The following PARD3B variants were observed in gnomAD, a reference collection of about 807,000 sequenced individuals.
The protein encoded by PARD3B is partitioning defective 3 homolog B.
PARD3B carries 103 observed loss-of-function variants against 130.2 expected under a neutral mutation model. That is an observed-to-expected ratio of 0.79 (90% CI 0.67 to 0.93). The LOEUF (loss-of-function observed/expected upper bound fraction) is 0.93. Ranked by LOEUF, PARD3B falls within the 40% of genes least tolerant of loss-of-function variation. PARD3B has a pLI of 0.00. For synonymous variants in PARD3B, 583 were observed against 553.2 expected, an observed-to-expected ratio of 1.05 and a Z score of -0.76; for missense variants, 1,609 against 1,499.2, an observed-to-expected ratio of 1.07 and a Z score of -1.21.
intron 2 of PARD3B, among the ~76,000 whole-genome samples, chr2:204,953,420 C>CACAG (rs1396079084): frequency 1.0e-3 from 128 of 123,312 alleles, no homozygotes; most frequent in Middle Eastern, 4.6e-3. Context: ...TACACACACA[C>CACAG]AGAGAGAGAG....
chr2:205,234,101 A>G (rs972777928), intron 15 of PARD3B, among the ~76,000 whole-genome samples: 2 of 152,238 alleles, frequency 1.3e-5, no homozygotes, highest in African/African-American at 4.8e-5. Flanking sequence ...AACCATAACA[A>G]TAGTCACATT....
rs978188157 is a variant in PARD3B, at chr2:205,156,770, C to G, written c.1435-1952C>G. ...AATGAAGTAGTCAATCATTGTTAGCCTCTAGTATATTGTTTCTGTTGTATT... is the reference window on the plus strand; with the variant it reads ...AATGAAGTAGTCAATCATTGTTAGCGTCTAGTATATTGTTTCTGTTGTATT... On this transcript the variant is annotated intron_variant, in intron 10 of 22. Coordinates refer to ENST00000406610, the MANE Select transcript of PARD3B (RefSeq NM_001302769.2). 1.3e-5 allele frequency among the ~76,000 whole-genome samples: 2 copies of G among 152,130 alleles called. 1 individual carries two copies. Among genetic ancestry groups the G allele is most frequent in the Middle Eastern group, 6.8e-3 (2 of 294 alleles).
chr2:204,828,124 A>C (rs1316156781), intron 2 of PARD3B, among the ~76,000 whole-genome samples: 2 of 152,240 alleles, frequency 1.3e-5, no homozygotes, highest in Admixed American at 1.3e-4. Flanking sequence ...TTTGTTGAAT[A>C]GGTATCTACT....
At chr2:205,329,578 G>A (rs1195496031) in intron 18 of PARD3B, among the ~76,000 whole-genome samples, 2 of 152,222 alleles carry the variant, frequency 1.3e-5, no homozygotes, top group Non-Finnish European at 2.9e-5. Flanking sequence ...TGTAATGACA[G>A]AGTTGAACAG....
chr2:205,459,359 C>A (rs2048374135), intron 20 of PARD3B, among the ~76,000 whole-genome samples: 1 of 151,928 alleles, frequency 6.6e-6, no homozygotes, highest in African/African-American at 2.4e-5. Flanking sequence ...AAGAATGCAA[C>A]AAATTCTTCC....
rs867583709 is a variant in PARD3B at position 205,325,586 on chromosome 2, T to G, written c.2630+23885T>G. On this transcript the variant is annotated intron_variant, in intron 18 of 22. Coordinates refer to ENST00000406610, the MANE Select transcript of PARD3B (RefSeq NM_001302769.2). The surrounding 1 kb of genome is among the most constrained non-coding windows in gnomAD (Gnocchi z 4.1). ...CTCTATTGCCCAGGCTGGAGTGCAG[T>G]GGCGTGATCATAACTCACTGTAGCC... 1.3e-5 allele frequency among the ~76,000 whole-genome samples: 2 copies of G among 152,056 alleles called. No homozygotes were observed. Among genetic ancestry groups the G allele is most frequent in the African/African-American group, 4.8e-5 (2 of 41,386 alleles).
intron 2 of PARD3B, among the ~76,000 whole-genome samples, chr2:204,937,986 A>G (rs1247803901): frequency 6.6e-6 from 1 of 152,212 alleles, no homozygotes; most frequent in Non-Finnish European, 1.5e-5. Context: ...ACTTCTTGGA[A>G]TAGAGAGCAG....
intron 2 of PARD3B, among the ~76,000 whole-genome samples, chr2:204,731,750 A>G (rs908783587): frequency 3.3e-5 from 5 of 152,190 alleles, no homozygotes; most frequent in Non-Finnish European, 2.9e-5. Flanking sequence ...GAATAAAACT[A>G]AGTTAAATAT....
At chr2:205,515,232 T>A (rs951256197) in intron 21 of PARD3B, among the ~76,000 whole-genome samples, 1 of 152,214 alleles carries the variant, frequency 6.6e-6, no homozygotes, top group African/African-American at 2.4e-5. Flanking sequence ...GTTATCTTTA[T>A]CCAATCTGTT....
chr2:204,822,498 A>G (rs1388300376), intron 2 of PARD3B, among the ~76,000 whole-genome samples: 2 of 152,220 alleles, frequency 1.3e-5, no homozygotes, highest in Non-Finnish European at 2.9e-5. Context: ...CAAGCACTAC[A>G]TAAAAGGACT....
intron 16 of PARD3B, among the ~76,000 whole-genome samples, chr2:205,257,683 G>A (rs1194459568): frequency 6.6e-6 from 1 of 152,058 alleles, no homozygotes; most frequent in Non-Finnish European, 1.5e-5. Context: ...TAAAATTTTT[G>A]TTCAAAAACT....
chr2:205,259,929 C>T (rs1442803820), intron 16 of PARD3B, among the ~76,000 whole-genome samples: 1 of 152,080 alleles, frequency 6.6e-6, no homozygotes, highest in East Asian at 1.9e-4. Context: ...ATTTCATATA[C>T]ATGTTGTACA....
At chr2:205,398,860 G>T (rs1366070079) in intron 18 of PARD3B, among the ~76,000 whole-genome samples, 1 of 152,124 alleles carries the variant, frequency 6.6e-6, no homozygotes, top group East Asian at 1.9e-4. Context: ...TACAGTACAG[G>T]ACTTTCTTCA....
chr2:205,608,954 C>G (rs1174900926), intron 22 of PARD3B, among the ~76,000 whole-genome samples: 4 of 152,242 alleles, frequency 2.6e-5, no homozygotes. Context: ...CTGCTGCACA[C>G]TCCACCCATT....
Position 205,104,509 on chromosome 2 carries a change from A to AT in PARD3B, c.590dup (p.Leu197PhefsTer3). ...TAACTTCGCCAAGAACTAAGGACAC[A>AT]TTGAGGTATTCTCTTTATACAGATA... On this transcript the variant is annotated frameshift_variant, in exon 5 of 23. Transcript: ENST00000406610. LOFTEE classifies it high-confidence loss of function. The AT allele has an allele frequency of 6.5e-7, 1 of 1,529,184 alleles. No homozygotes were observed. Among genetic ancestry groups the AT allele is most frequent in the Non-Finnish European group, 9.1e-7 (1 of 1,103,154 alleles). 94.7% of individuals were successfully genotyped at this position (1,529,184 alleles called of 1,614,324 possible).
intron 22 of PARD3B, among the ~76,000 whole-genome samples, chr2:205,602,248 C>T (rs2054815782): frequency 6.6e-6 from 1 of 152,156 alleles, no homozygotes; most frequent in African/African-American, 2.4e-5. Context: ...GGTGCATAAG[C>T]TTTTTGATGT....
At chr2:205,522,496 C>T (rs1428757513) in intron 21 of PARD3B, among the ~76,000 whole-genome samples, 2 of 151,758 alleles carry the variant, frequency 1.3e-5, no homozygotes, top group Non-Finnish European at 2.9e-5. Context: ...TAACTATTGT[C>T]GTTAAAAAAA....
Position 205,341,094 on chromosome 2 carries a change from A to T in PARD3B, c.2630+39393A>T, listed in dbSNP as rs1015635268. On this transcript the variant is annotated intron_variant, in intron 18 of 22. Coordinates refer to ENST00000406610, the MANE Select transcript of PARD3B (RefSeq NM_001302769.2). The surrounding 1 kb of genome is among the most constrained non-coding windows in gnomAD (Gnocchi z 4.3). ...GGCTATGATCAAAAAAATAAAAAAT[A>T]AAAAAATAAAAAATGCTAAAGAAAA... Among the ~76,000 whole-genome samples, 5 of 152,080 alleles carry T rather than the reference A, an allele frequency of 3.3e-5. No individual in the cohort carries two copies. Among genetic ancestry groups the T allele is most frequent in the Non-Finnish European group, 5.9e-5 (4 of 67,984 alleles).
rs1485464134 is a variant in PARD3B at position 205,380,940 on chromosome 2, A to AT, written c.2631-20072dup. ...AATATATATAATATATAAAGAATAT[A>AT]TATAATATATAATGTATATAATATC... On this transcript the variant is annotated intron_variant, in intron 18 of 22. Coordinates refer to ENST00000406610, the MANE Select transcript of PARD3B (RefSeq NM_001302769.2). Among the ~76,000 whole-genome samples the AT allele has an allele frequency of 2.2e-3, 201 of 91,266 alleles. 10 individuals are homozygous for AT. The highest frequency in any genetic ancestry group is 4.7e-3 in the African/African-American group (87 of 18,648). 59.9% of individuals were successfully genotyped at this position (91,266 alleles called of 152,430 possible).
Sources: gnomAD v4.1 joint callset for allele counts (sites outside exome capture counted in the v4.1 genomes callset) on GRCh38, gnomAD v4.1.1 for gene constraint, Gnocchi (gnomAD v3.1) non-coding constraint, MANE v1.5 for transcripts, NCBI Gene and HGNC (gene_info 2026-07-23, HGNC 2026-07-21) for gene names.